The following TRPM1 variants were observed in gnomAD, a reference collection of about 807,000 sequenced individuals.
TRPM1 encodes the protein TRPM1-203 APA Isoform, Intron 10.
A neutral mutation model predicts 149.4 loss-of-function variants in TRPM1; 113 were observed. The ratio of observed to expected loss-of-function variants is 0.76; its 90% CI spans 0.65 to 0.88. The LOEUF is 0.88. TRPM1 is among the 40% of genes least tolerant of loss of function. The pLI, the probability that TRPM1 is intolerant of heterozygous loss-of-function variation, is 0.00. For missense variants in TRPM1, 1,976 were observed against 2,038.7 expected (o/e 0.97, Z 0.59); for synonymous variants, 741 against 759.5 (o/e 0.98, Z 0.40).
rs771496427 is a variant in TRPM1, at chr15:31,026,215, C to T, written c.3553G>A (p.Val1185Met). 1 of 1,612,576 alleles carries T rather than the reference C, an allele frequency of 6.2e-7. No individual in the cohort carries two copies. The highest frequency in any genetic ancestry group is 2.2e-5 in the East Asian group (1 of 44,884). Residue 1185 changes from valine (V) to methionine (M), a missense_variant, in exon 27 of 28, where the codon GTG becomes ATG. By Grantham distance (21) the Val-to-Met change is conservative (BLOSUM62 1). Around this residue, in one of 3 missense-constraint regions of TRPM1, gnomAD observed 572 missense variants for 578.9 expected, o/e 0.99. Coordinates refer to ENST00000256552, the MANE Select transcript of TRPM1 (RefSeq NM_001252024.2). ...TCCTTCTCCCGGAAGTGCTCCTGCACGCACTGCTCCTCGAACTCATGCAGC... is the reference window on the plus strand; with the variant it reads ...TCCTTCTCCCGGAAGTGCTCCTGCATGCACTGCTCCTCGAACTCATGCAGC... ...KRLHEFEEQC[V>M]QEHFREKEDE...
intron 20 of TRPM1, among the ~76,000 whole-genome samples, chr15:31,037,072 C>A (rs531769501): frequency 6.6e-6 from 1 of 152,238 alleles, no homozygotes; most frequent in Non-Finnish European, 1.5e-5. Context: ...GCCTGGCCAC[C>A]CCCACTGGGA....
chr15:31,027,054 C>T lies in TRPM1; in HGVS notation c.3357G>A (p.Leu1119=). The T allele has an allele frequency of 1.2e-6, 2 of 1,614,168 alleles. No individual in the cohort carries two copies. Among genetic ancestry groups the T allele is most frequent in the Non-Finnish European group, 1.7e-6 (2 of 1,180,040 alleles). The change falls in exon 26 of 28, where the codon CTG becomes CTA. Residue 1119 remains leucine (L), a synonymous_variant. Coordinates refer to ENST00000256552, the MANE Select transcript of TRPM1 (RefSeq NM_001252024.2). ...CTGGCCTGTCATGAAATGTCATAATCAGCTGATATCGCTGGAACTTCCACA... is the reference window on the plus strand; with the variant it reads ...CTGGCCTGTCATGAAATGTCATAATTAGCTGATATCGCTGGAACTTCCACA... The part of the protein sequence containing the change: ...NQVWKFQRYQ[L]IMTFHDRPVL...
intron 1 of TRPM1, among the ~76,000 whole-genome samples, chr15:31,146,749 G>A (rs1295477449): frequency 1.3e-5 from 2 of 152,218 alleles, no homozygotes; most frequent in African/African-American, 2.4e-5. Context: ...CACTTTGGGA[G>A]GCAGAGGCAG....
At chr15:31,041,294 A>G (rs1460692090) in intron 17 of TRPM1, among the ~76,000 whole-genome samples, 5 of 151,790 alleles carry the variant, frequency 3.3e-5, no homozygotes, top group African/African-American at 1.2e-4. Context: ...AGCTGGGACT[A>G]CAGGCGCCCG....
intron 1 of TRPM1, among the ~76,000 whole-genome samples, chr15:31,138,925 TA>T (rs970656779): frequency 1.4e-4 from 21 of 149,854 alleles, no homozygotes; most frequent in Middle Eastern, 3.4e-3. Context: ...AGTTTACATT[TA>T]AAAAAAAAAT....
At chr15:31,089,074 G>A (rs918952508) in intron 1 of TRPM1, among the ~76,000 whole-genome samples, 3 of 152,196 alleles carry the variant, frequency 2.0e-5, no homozygotes, top group Admixed American at 2.0e-4. Flanking sequence ...AACATTTAAT[G>A]CCATATTTTT....
At chr15:31,031,376 C>G (rs1366035374) in intron 22 of TRPM1, 1 of 600,324 alleles carries the variant, frequency 1.7e-6, no homozygotes, top group African/African-American at 1.9e-5. Context: ...CTATCTTCAT[C>G]TGCTCTTCAT....
intron 2 of TRPM1, among the ~76,000 whole-genome samples, chr15:31,077,441 CTT>C (rs1282081930): frequency 2.9e-5 from 3 of 104,890 alleles, no homozygotes; most frequent in African/African-American, 1.1e-4. Flanking sequence ...CACATGGCCT[CTT>C]GTTCTGTCAC....
chr15:31,093,849 C>T (rs769078651), intron 1 of TRPM1, among the ~76,000 whole-genome samples: 4 of 151,944 alleles, frequency 2.6e-5, no homozygotes, highest in Non-Finnish European at 5.9e-5. Flanking sequence ...GTGATCTGCC[C>T]GCCTCAGCCT....
intron 21 of TRPM1, 64 bp from the exon 22 acceptor site, chr15:31,033,004 T>C: frequency 6.2e-7 from 1 of 1,605,904 alleles, no homozygotes. Flanking sequence ...TCTTAGAATC[T>C]TGGAACAATA....
At chr15:31,107,609 TTTGC>T (rs753640094) in intron 1 of TRPM1, among the ~76,000 whole-genome samples, 14 of 152,012 alleles carry the variant, frequency 9.2e-5, no homozygotes, top group Admixed American at 3.3e-4. Context: ...TTGGATTTAG[TTTGC>T]TTGTCTTTTT....
intron 1 of TRPM1, among the ~76,000 whole-genome samples, chr15:31,093,842 A>G (rs2035306334): frequency 6.6e-6 from 1 of 152,106 alleles, no homozygotes; most frequent in Non-Finnish European, 1.5e-5. Context: ...ACCTCAAGTG[A>G]TCTGCCCGCC....
intron 1 of TRPM1, among the ~76,000 whole-genome samples, chr15:31,134,166 C>A (rs926423153): frequency 6.6e-6 from 1 of 152,166 alleles, no homozygotes; most frequent in Non-Finnish European, 1.5e-5. Context: ...TTCAGCAGGT[C>A]ACCCCTTTCT....
chr15:31,125,602 C>T (rs12902533), intron 1 of TRPM1, among the ~76,000 whole-genome samples: 3 of 142,846 alleles, frequency 2.1e-5, no homozygotes, highest in Non-Finnish European at 4.6e-5. Flanking sequence ...TAGTGGCGGG[C>T]GCCTGTAGTC....
rs769495657 is a variant in TRPM1 at position 31,068,065 on chromosome 15, G to A, written c.307C>T (p.Pro103Ser). ...ACCATGAGATGGAGCAGTGAGTCTG[G>A]CTTGGTGTCATAGGATACACGGATA... ...MYIRVSYDTK[P>S]DSLLHLMVKD... Residue 103 changes from proline (P) to serine (S), a missense_variant, in exon 5 of 28, where the codon CCA becomes TCA. By Grantham distance (74) the Pro-to-Ser change is moderately conservative. Coordinates refer to ENST00000256552, the MANE Select transcript of TRPM1 (RefSeq NM_001252024.2). 2 of 1,614,062 alleles carry A rather than the reference G, an allele frequency of 1.2e-6. No individual in the cohort carries two copies. The highest frequency in any genetic ancestry group is 2.2e-5 in the East Asian group (1 of 44,898).
At chr15:31,094,723 G>C (rs2035331145) in intron 1 of TRPM1, among the ~76,000 whole-genome samples, 1 of 152,200 alleles carries the variant, frequency 6.6e-6, no homozygotes, top group Non-Finnish European at 1.5e-5. Context: ...TAAAAAAATA[G>C]TAACCAGTGT....
intron 17 of TRPM1, among the ~76,000 whole-genome samples, chr15:31,041,422 T>A (rs372079033): frequency 2.6e-5 from 4 of 152,158 alleles, no homozygotes; most frequent in East Asian, 3.8e-4. Context: ...AGTGCTGGGA[T>A]TACAGGCATG....
At chr15:31,122,973 G>C (rs1417675099) in intron 1 of TRPM1, among the ~76,000 whole-genome samples, 5 of 152,176 alleles carry the variant, frequency 3.3e-5, no homozygotes. Context: ...GTGTGGTATT[G>C]GTGAAATAAT....
At chr15:31,073,699 A>C (rs143719759) in intron 3 of TRPM1, among the ~76,000 whole-genome samples, 96 of 151,838 alleles carry the variant, frequency 6.3e-4, no homozygotes, top group African/African-American at 2.2e-3. Context: ...TTCTTTCTTT[A>C]TTTCTCTTAC....
Sources: gnomAD v4.1 joint callset for allele counts (sites outside exome capture counted in the v4.1 genomes callset) on GRCh38, gnomAD v4.1.1 for gene constraint, gnomAD v4.1.1 regional missense constraint, MANE v1.5 for transcripts, NCBI Gene and HGNC (gene_info 2026-07-23, HGNC 2026-07-21) for gene names.